Variants in ST18 observed in about 807,000 individuals in gnomAD.
ST18 encodes suppression of tumorigenicity 18 protein.
A neutral mutation model predicts 110.0 loss-of-function variants in ST18; 50 were observed. That is an observed-to-expected ratio of 0.45 (90% CI 0.36 to 0.58). The LOEUF is 0.58. ST18 is among the 20% of genes least tolerant of loss of function. ST18 has a pLI of 0.00. For missense variants in ST18, 1,306 were observed against 1,280.1 expected, an observed-to-expected ratio of 1.02 and a Z score of -0.31; for synonymous variants, 461 against 452.4, an observed-to-expected ratio of 1.02 and a Z score of -0.24.
chr8:52,265,788 T>G (rs117325084), intron 2 of ST18, among the ~76,000 whole-genome samples: 6,511 of 152,282 alleles, frequency 0.043, 226 homozygotes, highest in Admixed American at 0.085. Flanking sequence ...ATTCTGGACT[T>G]TAGTGGAAAG....
chr8:52,401,959 G>T (rs536834468), intron 2 of ST18, among the ~76,000 whole-genome samples: 1 of 152,260 alleles, frequency 6.6e-6, no homozygotes, highest in East Asian at 1.9e-4. Flanking sequence ...ACTTTCGCCT[G>T]TAGATGAGTC....
chr8:52,192,293 T>C (rs1378444723), intron 8 of ST18, among the ~76,000 whole-genome samples: 1 of 152,160 alleles, frequency 6.6e-6, no homozygotes, highest in African/African-American at 2.4e-5. Context: ...GTAACTGAAC[T>C]TGATTGGAAC....
chr8:52,185,355 T>C (rs1587986835), intron 8 of ST18, among the ~76,000 whole-genome samples: 1 of 152,128 alleles, frequency 6.6e-6, no homozygotes, highest in South Asian at 2.1e-4. Flanking sequence ...CCCTTCTTTA[T>C]CTATTAGATT....
At chr8:52,150,247 G>T (rs73679141) in intron 15 of ST18, among the ~76,000 whole-genome samples, 3,114 of 150,274 alleles carry the variant, frequency 0.021, 85 homozygotes, top group African/African-American at 0.064. Flanking sequence ...GGCTAAAACA[G>T]TTTTATGAAA....
intron 8 of ST18, among the ~76,000 whole-genome samples, chr8:52,210,423 C>T (rs952048286): frequency 3.9e-5 from 6 of 152,152 alleles, no homozygotes; most frequent in South Asian, 4.2e-4. Context: ...AAGCTCTGGC[C>T]GAGGTGGGAG....
chr8:52,310,342 C>A (rs1233960971), intron 2 of ST18, among the ~76,000 whole-genome samples: 1 of 152,142 alleles, frequency 6.6e-6, no homozygotes, highest in Non-Finnish European at 1.5e-5. Context: ...TGCACACCTA[C>A]ACATGTACAT....
intron 22 of ST18, among the ~76,000 whole-genome samples, chr8:52,129,250 G>C (rs1365732797): frequency 6.6e-6 from 1 of 151,896 alleles, no homozygotes. Context: ...CAGATCATTT[G>C]AGTTCAGGAG....
intron 8 of ST18, among the ~76,000 whole-genome samples, chr8:52,180,717 A>G (rs2134207151): frequency 6.6e-6 from 1 of 152,340 alleles, no homozygotes; most frequent in Non-Finnish European, 1.5e-5. Context: ...TTTTCAAATA[A>G]TTGTTTGCTA....
chr8:52,290,993 T>A (rs1484092299), intron 2 of ST18, among the ~76,000 whole-genome samples: 1 of 152,216 alleles, frequency 6.6e-6, no homozygotes, highest in Non-Finnish European at 1.5e-5. Flanking sequence ...CATCTCCCTG[T>A]GGAGTGCTAG....
At chr8:52,131,297 G>A (rs1366753274) in intron 22 of ST18, among the ~76,000 whole-genome samples, 1 of 152,218 alleles carries the variant, frequency 6.6e-6, no homozygotes, top group African/African-American at 2.4e-5. Context: ...AATATGTAGG[G>A]AAGCTTCTAA....
intron 2 of ST18, among the ~76,000 whole-genome samples, chr8:52,362,906 G>C (rs1230274672): frequency 1.3e-5 from 2 of 152,140 alleles, no homozygotes; most frequent in African/African-American, 2.4e-5. Flanking sequence ...AGTGACTAGA[G>C]AGGTGTGTTA....
chr8:52,276,154 GCACCACA>G (rs1564393102), intron 2 of ST18, among the ~76,000 whole-genome samples: 114 of 13,762 alleles, frequency 8.3e-3, no homozygotes, highest in East Asian at 0.013. Context: ...TGCACACCAC[GCACCACA>G]CATACCATAT....
chr8:52,224,989 G>GA (rs1449015736), intron 3 of ST18, among the ~76,000 whole-genome samples: 1 of 152,128 alleles, frequency 6.6e-6, no homozygotes, highest in Non-Finnish European at 1.5e-5. Flanking sequence ...TAGGCTCCCA[G>GA]AAAAATGCAA....
chr8:52,381,596 T>C (rs1834542922), intron 2 of ST18, among the ~76,000 whole-genome samples: 1 of 152,142 alleles, frequency 6.6e-6, no homozygotes, highest in South Asian at 2.1e-4. Flanking sequence ...TATTTTGCCA[T>C]CCCCCAAAAG....
intron 2 of ST18, chr8:52,313,472 T>C (rs1275199794): frequency 1.2e-5 from 2 of 164,384 alleles, no homozygotes; most frequent in Non-Finnish European, 2.7e-5. Context: ...ATAGGAAAGC[T>C]TATGACAGTA....
intron 2 of ST18, among the ~76,000 whole-genome samples, chr8:52,380,310 T>C (rs1213327123): frequency 6.6e-6 from 1 of 152,230 alleles, no homozygotes; most frequent in Admixed American, 6.5e-5. Context: ...ATTTTCTTTT[T>C]CTAGCTAACT....
At chr8:52,158,782 G>T in intron 15 of ST18, 116 bp downstream of exon 15, 1 of 1,176,978 alleles carries the variant, frequency 8.5e-7, no homozygotes, top group Non-Finnish European at 1.2e-6. Context: ...ACAGGGAGGG[G>T]ATCGCTTCAG....
chr8:52,402,522 G>A (rs1843099471), intron 2 of ST18, among the ~76,000 whole-genome samples: 1 of 152,126 alleles, frequency 6.6e-6, no homozygotes, highest in South Asian at 2.1e-4. Flanking sequence ...GGGAAGAAGG[G>A]GTGTTCTAGA....
At chr8:52,402,403 G>A (rs1843065668) in intron 2 of ST18, among the ~76,000 whole-genome samples, 1 of 152,142 alleles carries the variant, frequency 6.6e-6, no homozygotes, top group Admixed American at 6.5e-5. Context: ...CTCCCACCAA[G>A]CCAAGGACTG....
Sources: allele counts gnomAD v4.1 joint callset (sites outside exome capture counted in the v4.1 genomes callset), GRCh38; gene constraint gnomAD v4.1.1; transcripts MANE v1.5; gene names NCBI Gene and HGNC (gene_info 2026-07-23, HGNC 2026-07-21).